Variants in SLC25A6 observed in about 807,000 individuals in gnomAD.
The protein encoded by SLC25A6 is ADP/ATP translocase 3.
A neutral mutation model predicts 25.7 loss-of-function variants in SLC25A6; 9 were observed. The ratio of observed to expected loss-of-function variants is 0.35; its 90% CI spans 0.21 to 0.61. SLC25A6 has a LOEUF of 0.61. SLC25A6 is among the 20% of genes least tolerant of loss of function. The pLI is 0.76. For missense variants in SLC25A6, 404 were observed against 440.5 expected (o/e 0.92, Z 0.74); for synonymous variants, 223 against 197.0 (o/e 1.13, Z -1.11).
chrX:1,387,172 C>A (rs1288137569), intron 3 of SLC25A6, 107 bp downstream of exon 3: 6 of 1,383,704 alleles, frequency 4.3e-6, no homozygotes, highest in Non-Finnish European at 6.0e-6. Context: ...GCTTGTCTCA[C>A]ACGCCCTGGA....
In SLC25A6 at chrX:1,388,880, GGA is replaced by G. The variant is rs200443602; in HGVS notation, c.598+359_598+360del. On this transcript the variant is annotated intron_variant, in intron 2 of 3. Coordinates refer to ENST00000381401, the MANE Select transcript of SLC25A6 (RefSeq NM_001636.4). Reference sequence around the variant, plus strand: ...GGAGAAGACGGCATCTACAAGCCTAGGAGAGAGGCCGCAGGAGGAACCAGCCC... The same window carrying G: ...GGAGAAGACGGCATCTACAAGCCTAGGAGAGGCCGCAGGAGGAACCAGCCC... Among the ~76,000 whole-genome samples the G allele has an allele frequency of 8.0e-3, 1,212 of 151,384 alleles. 8 individuals are homozygous for G. Among genetic ancestry groups the G allele is most frequent in the Middle Eastern group, 0.017 (5 of 294 alleles).
Position 1,389,547 on chromosome X carries a change from T to C in SLC25A6, c.292A>G (p.Ile98Val), listed in dbSNP as rs758975226. The change falls in exon 2 of 4, where the codon ATC becomes GTC. Residue 98 changes from isoleucine to valine, a missense_variant. By Grantham distance (29) the Ile-to-Val change is conservative. Coordinates refer to ENST00000381401, the MANE Select transcript of SLC25A6 (RefSeq NM_001636.4). Reference sequence around the variant, plus strand: ...TGCTTGTCCACGCCCCCCAGGAAGATCTGCTTGTACTTATCCTTGAAGGCG... The same window carrying C: ...TGCTTGTCCACGCCCCCCAGGAAGACCTGCTTGTACTTATCCTTGAAGGCG... Reference protein sequence around the residue: ...NFAFKDKYKQIFLGGVDKHTQ... With the variant: ...NFAFKDKYKQVFLGGVDKHTQ... 1.9e-6 allele frequency: 3 copies of C among 1,614,158 alleles called. No homozygotes were observed.
Position 1,386,445 on chromosome X carries a change from CT to C in SLC25A6, c.*156del. 9.6e-7 allele frequency: 1 copy of C among 1,046,874 alleles called. No homozygotes were observed. The highest frequency in any genetic ancestry group is 1.3e-6 in the Non-Finnish European group (1 of 760,538). 64.8% of individuals were successfully genotyped at this position (1,046,874 alleles called of 1,614,324 possible). A position where few individuals can be genotyped will look rare whatever the true frequency, so the allele number is the denominator to read the frequency against. On this transcript the variant is annotated 3_prime_UTR_variant, in exon 4 of 4. Transcript: ENST00000381401. ...CCGATGGTTGGATCGCAATGCGCCC[CT>C]TTTCTAGAGCCTTCCCCGGCCATCT...
intron 3 of SLC25A6, 77 bp downstream of exon 3, chrX:1,387,202 C>G: frequency 6.4e-7 from 1 of 1,564,030 alleles, no homozygotes; most frequent in Non-Finnish European, 8.7e-7. Context: ...TTTGATGGTT[C>G]CTGACCTCCC....
Position 1,386,356 on chromosome X carries a change from A to G in SLC25A6, c.*246T>C, listed in dbSNP as rs2089323399. 1 of 467,372 alleles carries G rather than the reference A, an allele frequency of 2.1e-6. No homozygotes were observed. Among genetic ancestry groups the G allele is most frequent in the Non-Finnish European group, 3.7e-6 (1 of 271,710 alleles). 29.0% of individuals were successfully genotyped at this position (467,372 alleles called of 1,614,324 possible). On this transcript the variant is annotated 3_prime_UTR_variant, in exon 4 of 4. Coordinates refer to ENST00000381401, the MANE Select transcript of SLC25A6 (RefSeq NM_001636.4). ...GTCTCAGTACTGGAGTGTCTCACCC[A>G]TGGGCCCCACGCAGGGACGCCACGG...
chrX:1,388,837 G>A (rs2089362439), intron 2 of SLC25A6, among the ~76,000 whole-genome samples: 2 of 148,978 alleles, frequency 1.3e-5, no homozygotes, highest in Admixed American at 1.4e-4. Flanking sequence ...ACAGAGGGAC[G>A]ACCCCGTGAG....
intron 2 of SLC25A6, among the ~76,000 whole-genome samples, chrX:1,387,997 T>G: frequency 6.8e-6 from 1 of 147,776 alleles, no homozygotes; most frequent in Non-Finnish European, 1.5e-5. Context: ...TGCCCACTCC[T>G]TGATGTCAGA....
Position 1,387,411 on chromosome X carries a change from G to C in SLC25A6, c.607C>G (p.Pro203Ala). The C allele has an allele frequency of 6.2e-7, 1 of 1,612,790 alleles. No homozygotes were observed. Among genetic ancestry groups the C allele is most frequent in the Non-Finnish European group, 8.5e-7 (1 of 1,179,656 alleles). The change falls in exon 3 of 4, where the codon CCC becomes GCC. Residue 203 changes from proline (P) to alanine (A), a missense_variant. Coordinates refer to ENST00000381401, the MANE Select transcript of SLC25A6 (RefSeq NM_001636.4). Reference protein sequence around the residue: ...GVYDTAKGMLPDPKNTHIVVS... With the variant: ...GVYDTAKGMLADPKNTHIVVS... ...ACGATGTGCGTGTTCTTGGGGTCGG[G>C]GAGCATGCCTGCGCGGGAACGGCAC...
chrX:1,387,171 A>T, intron 3 of SLC25A6, 108 bp downstream of exon 3: 1 of 1,374,346 alleles, frequency 7.3e-7, no homozygotes, highest in Non-Finnish European at 1.0e-6. Context: ...TGCTTGTCTC[A>T]CACGCCCTGG....
At chrX:1,390,012 GCT>G (rs2089380966) in intron 1 of SLC25A6, among the ~76,000 whole-genome samples, 1 of 151,914 alleles carries the variant, frequency 6.6e-6, no homozygotes, top group African/African-American at 2.4e-5. Flanking sequence ...ACCGCACCCG[GCT>G]CTTTCTTTTT....
chrX:1,390,648 C>T (rs1183200014), intron 1 of SLC25A6, among the ~76,000 whole-genome samples: 15 of 150,786 alleles, frequency 9.9e-5, no homozygotes, highest in Admixed American at 7.3e-4. Context: ...TCAAACGATC[C>T]TCCCTGGGCC....
chrX:1,387,864 C>T (rs1281624838), intron 2 of SLC25A6, among the ~76,000 whole-genome samples: 5 of 152,126 alleles, frequency 3.3e-5, no homozygotes, highest in African/African-American at 4.8e-5. Flanking sequence ...CCTGATCCTA[C>T]GACCCCAGTG....
rs774126984 is a variant in SLC25A6 at position 1,389,293 on chromosome X, C to T, written c.546G>A (p.Gln182=). The T allele has an allele frequency of 5.0e-6, 8 of 1,613,926 alleles. No individual in the cohort carries two copies. The highest frequency in any genetic ancestry group is 1.1e-5 in the South Asian group (1 of 91,084). Residue 182 remains glutamine (Q), a synonymous_variant, in exon 2 of 4, where the codon CAG becomes CAA. Coordinates refer to ENST00000381401, the MANE Select transcript of SLC25A6 (RefSeq NM_001636.4). ...AGGCCGCCCGGTAGATGATGATGCC[C>T]TGCACGGAGACACTGAAGCCCTGGT... ...GLYQGFSVSV[Q]GIIIYRAAYF... is the part of the protein sequence containing the mutation.
chrX:1,388,409 C>G (rs758807978), intron 2 of SLC25A6, among the ~76,000 whole-genome samples: 1 of 150,498 alleles, frequency 6.6e-6, no homozygotes, highest in East Asian at 2.0e-4. Flanking sequence ...ACAGGGAAGA[C>G]GGAGTCTCCA....
rs1256301313 is a variant in SLC25A6 at position 1,386,305 on chromosome X, G to A, written c.*297C>T. On this transcript the variant is annotated 3_prime_UTR_variant, in exon 4 of 4. Coordinates refer to ENST00000381401, the MANE Select transcript of SLC25A6 (RefSeq NM_001636.4). ...TAAATAAATACTTAGAACACGACTT[G>A]GCTCCTACAAGCATCTGGACTCTAG... is the stretch of plus-strand genomic sequence containing the variant. 2.6e-6 allele frequency: 1 copy of A among 378,296 alleles called. No individual in the cohort carries two copies. The highest frequency in any genetic ancestry group is 3.9e-5 in the East Asian group (1 of 25,646). The allele number at this position is 378,296 out of a possible 1,614,324, so 23.4% of individuals were successfully genotyped here. A position where few individuals can be genotyped will look rare whatever the true frequency, so the allele number is the denominator to read the frequency against.
chrX:1,391,134 A>G (rs1328210789), intron 1 of SLC25A6, among the ~76,000 whole-genome samples: 1 of 95,770 alleles, frequency 1.0e-5, no homozygotes, highest in Admixed American at 1.2e-4. Flanking sequence ...TCGTTAAGTT[A>G]AAATAATTTT....
At chrX:1,387,249 G>A (rs1432604743) in intron 3 of SLC25A6, 30 bp downstream of exon 3, 4 of 1,606,692 alleles carry the variant, frequency 2.5e-6, no homozygotes. Context: ...CCCCTTCCCG[G>A]CAGCAAGGGT....
At position 1,387,024 on chromosome X, in the gene SLC25A6, G is replaced by A. The variant is rs1373081775; in HGVS notation, c.739+255C>T. 5.3e-5 allele frequency among the ~76,000 whole-genome samples: 8 copies of A among 152,078 alleles called. No individual in the cohort carries two copies. In the South Asian group the frequency reaches 8.3e-4, roughly 16 times the overall value. On this transcript the variant is annotated intron_variant, in intron 3 of 3. Transcript: ENST00000381401. Reference sequence around the variant, plus strand: ...GGGTCCATGCAGAGAAGGCAGGATCGAGGGTGTGGGTGCAACCAGAGGTTC... The same window carrying A: ...GGGTCCATGCAGAGAAGGCAGGATCAAGGGTGTGGGTGCAACCAGAGGTTC...
At chrX:1,391,804 C>G (rs1306129125) in intron 1 of SLC25A6, 95 bp downstream of exon 1, 5 of 947,838 alleles carry the variant, frequency 5.3e-6, no homozygotes, top group Non-Finnish European at 7.8e-6. Flanking sequence ...ACTTCCGGCG[C>G]CCGCCTGCAA....
Sources: allele counts gnomAD v4.1 joint callset (sites outside exome capture counted in the v4.1 genomes callset), GRCh38; gene constraint gnomAD v4.1.1; transcripts MANE v1.5; gene names NCBI Gene and HGNC (gene_info 2026-07-23, HGNC 2026-07-21).